RPL36A: variants seen among roughly 807,000 people sequenced by gnomAD.
RPL36A encodes the protein ribosomal protein L36a, also known as large ribosomal subunit protein eL42.
For missense variants in RPL36A, 20 were observed against 81.0 expected, an observed-to-expected ratio of 0.25 and a Z score of 2.89; for synonymous variants, 25 against 28.5, an observed-to-expected ratio of 0.88 and a Z score of 0.39.
chrX:101,391,950 T>G, intron 3 of RPL36A, 128 bp downstream of exon 3: 1 of 1,187,513 alleles, frequency 8.4e-7, no homozygotes, highest in Non-Finnish European at 1.1e-6. Flanking sequence ...CACTGATATA[T>G]CTAGTAGGTG....
chrX:101,392,775 G>A (rs1927861331), intron 3 of RPL36A: 2 of 257,787 alleles, frequency 7.8e-6, no homozygotes, highest in Non-Finnish European at 1.1e-5. Flanking sequence ...GTTTATAATA[G>A]CTAAGATTTA....
rs3951758 is a variant in RPL36A at position 101,394,935 on chromosome X, C to A, written c.178-400C>A. Among the ~76,000 whole-genome samples, 4 of 103,984 alleles carry A rather than the reference C, an allele frequency of 3.8e-5. No homozygotes were observed. In the East Asian group the frequency reaches 9.1e-4, roughly 24 times the overall value. The allele number at this position is 103,984 out of a possible 115,157, so 90.3% of individuals were successfully genotyped here. ...TCCTAAGCAGCTGGGATTATAGACA[C>A]GTGCCACCATGCCCGGCTGATTTTT... On this transcript the variant is annotated intron_variant, in intron 3 of 4. Coordinates refer to ENST00000553110, the MANE Select transcript of RPL36A (RefSeq NM_021029.6).
chrX:101,393,954 G>C (rs1312453488), intron 3 of RPL36A: 2 of 112,383 alleles, frequency 1.8e-5, no homozygotes, highest in Non-Finnish European at 3.8e-5. Flanking sequence ...AAACTGGTAA[G>C]GTTTATAAGA....
chrX:101,392,251 T>C (rs1222037996), intron 3 of RPL36A: 59 of 905,108 alleles, frequency 6.5e-5, no homozygotes, highest in Non-Finnish European at 8.0e-5. Context: ...AAAACTCTTA[T>C]AGAATAGCCA....
At position 101,391,363 on chromosome X, in the gene RPL36A, GTCC is replaced by G. The variant is rs1927793780; in HGVS notation, c.4-91_4-89del. 6 of 1,033,127 alleles carry G rather than the reference GTCC, an allele frequency of 5.8e-6. No homozygotes were observed. In the East Asian group the frequency reaches 1.2e-4, roughly 21 times the overall value. 85.1% of individuals were successfully genotyped at this position (1,033,127 alleles called of 1,213,427 possible). ...AGTCAGAGGTAGCAAGTAATGAGGA[GTCC>G]TCCTGGAGTGCCTCAGCTTTAGCTG... is the stretch of plus-strand genomic sequence containing the variant. On this transcript the variant is annotated intron_variant, in intron 1 of 4. Coordinates refer to ENST00000553110, the MANE Select transcript of RPL36A (RefSeq NM_021029.6).
At chrX:101,393,758 T>C (rs782418094) in intron 3 of RPL36A, 1 of 112,176 alleles carries the variant, frequency 8.9e-6, no homozygotes, top group South Asian at 3.7e-4. Flanking sequence ...CAAAAAAGTC[T>C]GAGAAATTGC....
Position 101,395,922 on chromosome X carries a change from TTCACA to T in RPL36A, c.*178_*182del. 2.2e-6 allele frequency: 1 copy of T among 453,349 alleles called. No individual in the cohort carries two copies. Among genetic ancestry groups the T allele is most frequent in the Non-Finnish European group, 3.7e-6 (1 of 272,211 alleles). The allele number at this position is 453,349 out of a possible 1,213,427, so 37.4% of individuals were successfully genotyped here. On this transcript the variant is annotated 3_prime_UTR_variant, in exon 5 of 5. Coordinates refer to ENST00000553110, the MANE Select transcript of RPL36A (RefSeq NM_021029.6). ...TTTGCATTGAAGCTGACTGGTTGAG[TTCACA>T]TCATATGTTGCAATTTTCTAATTTG...
In RPL36A at chrX:101,395,724, A is replaced by G. The variant is rs782088641; in HGVS notation, c.301-4A>G. The G allele has an allele frequency of 3.3e-6, 4 of 1,210,063 alleles. No homozygotes were observed. In the Admixed American group the frequency reaches 8.7e-5, roughly 26 times the overall value. ...CAAAACAACTTTTTTCTGTTCTGTTACAGGGCCAAGTGATCCAGTTCTAAG... is the reference window on the plus strand; with the variant it reads ...CAAAACAACTTTTTTCTGTTCTGTTGCAGGGCCAAGTGATCCAGTTCTAAG... On this transcript the variant is annotated splice_region_variant and splice_polypyrimidine_tract_variant and intron_variant, in intron 4 of 4. Transcript: ENST00000553110.
intron 3 of RPL36A, chrX:101,393,132 AAG>A (rs1927885926): frequency 1.2e-5 from 1 of 85,790 alleles, no homozygotes; most frequent in Non-Finnish European, 2.1e-5. Flanking sequence ...AAAAAAAAAA[AAG>A]GGAAAAAGAA....
intron 1 of RPL36A, 133 bp from the exon 2 acceptor site, chrX:101,391,325 TG>T: frequency 1.2e-6 from 1 of 801,870 alleles, no homozygotes; most frequent in African/African-American, 2.0e-5. Context: ...CACATGGGGC[TG>T]GCCCACCCTG....
chrX:101,391,574 A>T lies in RPL36A; in HGVS notation c.109+10A>T. The T allele has an allele frequency of 8.3e-7, 1 of 1,210,119 alleles. No homozygotes were observed. The highest frequency in any genetic ancestry group is 1.8e-5 in the South Asian group (1 of 56,933). ...TCTCTGTACGCCCAGGGTAAGATGG[A>T]TTCCGCATAATTTGGTGTTAATGTG... On this transcript the variant is annotated intron_variant, in intron 2 of 4. Coordinates refer to ENST00000553110, the MANE Select transcript of RPL36A (RefSeq NM_021029.6).
At chrX:101,394,678 C>G (rs1927947747) in intron 3 of RPL36A, among the ~76,000 whole-genome samples, 1 of 101,299 alleles carries the variant, frequency 9.9e-6, no homozygotes, top group Non-Finnish European at 2.0e-5. Context: ...GGGTGACATG[C>G]CATCTTTGCT....
At chrX:101,392,749 T>A in intron 3 of RPL36A, 1 of 342,180 alleles carries the variant, frequency 2.9e-6, no homozygotes, top group Non-Finnish European at 3.8e-6. Flanking sequence ...TGCACTCCTA[T>A]GTTTGTTGTA....
chrX:101,391,183 C>T, intron 1 of RPL36A, 137 bp downstream of exon 1: 1 of 752,643 alleles, frequency 1.3e-6, no homozygotes, highest in African/African-American at 2.1e-5. Context: ...CCGGGATCAA[C>T]CCTAAAGGGA....
intron 2 of RPL36A, 52 bp downstream of exon 2, chrX:101,391,616 A>AT: frequency 4.2e-6 from 5 of 1,197,776 alleles, no homozygotes; most frequent in Non-Finnish European, 4.5e-6. Context: ...GTGTTGTAGA[A>AT]TAACATACGA....
At chrX:101,392,108 G>T (rs1927830821) in intron 3 of RPL36A, 2 of 1,116,951 alleles carry the variant, frequency 1.8e-6, no homozygotes, top group African/African-American at 3.7e-5. Context: ...GAGTACACTG[G>T]TAAATCCTTT....
chrX:101,394,693 C>T (rs1555984011), intron 3 of RPL36A, among the ~76,000 whole-genome samples: 1 of 99,090 alleles, frequency 1.0e-5, no homozygotes, highest in African/African-American at 3.8e-5. Flanking sequence ...TTTGCTATTA[C>T]CACATTTTCT....
intron 2 of RPL36A, 61 bp from the exon 3 acceptor site, chrX:101,391,694 C>T (rs1199644094): frequency 2.5e-6 from 3 of 1,199,447 alleles, no homozygotes; most frequent in African/African-American, 3.5e-5. Context: ...TAAGATAAAA[C>T]CTGTAAGACT....
Position 101,392,053 on chromosome X carries a change from C to CA in RPL36A, c.177+237dup, listed in dbSNP as rs782417924. 1.8e-4 allele frequency: 206 copies of CA among 1,150,903 alleles called. No homozygotes were observed. The African/African-American group carries it at 3.2e-3, about 18-fold the overall frequency. 94.8% of individuals were successfully genotyped at this position (1,150,903 alleles called of 1,213,427 possible). On this transcript the variant is annotated intron_variant, in intron 3 of 4. Coordinates refer to ENST00000553110, the MANE Select transcript of RPL36A (RefSeq NM_021029.6). ...TTTTATCCTTTCCCTTCTGAAGAGG[C>CA]AAAAAATTGAGGAATGTGCCCTGCT...
Sources: allele counts gnomAD v4.1 joint callset (sites outside exome capture counted in the v4.1 genomes callset), GRCh38; gene constraint gnomAD v4.1.1; transcripts MANE v1.5; gene names NCBI Gene and HGNC (gene_info 2026-07-23, HGNC 2026-07-21).